FRMPD1: variants seen among roughly 807,000 people sequenced by gnomAD.
FRMPD1 encodes the protein FERM and PDZ domain-containing protein 1.
FRMPD1 carries 76 observed loss-of-function variants against 117.8 expected under a neutral mutation model. The observed-to-expected ratio is 0.65, with a 90% CI of 0.54 to 0.78. The LOEUF (loss-of-function observed/expected upper bound fraction) is 0.78, where lower values mean the gene tolerates loss of function less well. Among genes scored for constraint, FRMPD1 ranks in the 30% least tolerant of loss-of-function variants. The pLI is 0.00. For missense variants in FRMPD1, 1,786 were observed against 1,964.5 expected, an observed-to-expected ratio of 0.91 and a Z score of 1.72; for synonymous variants, 783 against 770.4, an observed-to-expected ratio of 1.02 and a Z score of -0.27.
At chr9:37,605,653 T>C in the FRMPD1 span, among the ~76,000 whole-genome samples, 2 of 152,168 alleles carry the variant, frequency 1.3e-5, no homozygotes, top group African/African-American at 4.8e-5. Context: ...ATAAGACTAA[T>C]TCCAAATCAT....
intron 1 of FRMPD1, among the ~76,000 whole-genome samples, chr9:37,651,388 G>A (rs919767376): frequency 1.3e-5 from 2 of 152,214 alleles, no homozygotes; most frequent in Non-Finnish European, 2.9e-5. Flanking sequence ...GAGAGACCTG[G>A]GTTCAGGTGC....
At chr9:37,736,829 G>A (rs568820646) in intron 13 of FRMPD1, among the ~76,000 whole-genome samples, 88 of 151,768 alleles carry the variant, frequency 5.8e-4, no homozygotes, top group African/African-American at 2.0e-3. Context: ...AGGACCCACT[G>A]TGTGTGAGTG....
chr9:37,631,839 A>G, the FRMPD1 span, among the ~76,000 whole-genome samples: 1 of 152,168 alleles, frequency 6.6e-6, no homozygotes, highest in African/African-American at 2.4e-5. Flanking sequence ...CCTGGCCTCA[A>G]GTGATCCTCC....
the FRMPD1 span, among the ~76,000 whole-genome samples, chr9:37,606,540 G>A: frequency 6.6e-6 from 1 of 152,272 alleles, no homozygotes; most frequent in East Asian, 1.9e-4. Context: ...AGAGAGGTTG[G>A]TGTATAAAGC....
chr9:37,637,375 T>C, the FRMPD1 span: 1 of 725,970 alleles, frequency 1.4e-6, no homozygotes, highest in Non-Finnish European at 2.5e-6. Flanking sequence ...CCGATGTTTT[T>C]TCAATTTTAG....
chr9:37,676,071 T>G (rs900837927), intron 1 of FRMPD1, among the ~76,000 whole-genome samples: 1 of 152,222 alleles, frequency 6.6e-6, no homozygotes, highest in Non-Finnish European at 1.5e-5. Context: ...AGATCAAGCT[T>G]GTTTTGTGTT....
rs1159833698 is a variant in FRMPD1 at position 37,740,416 on chromosome 9, T to G, written c.1888T>G (p.Phe630Val). 9.3e-6 allele frequency: 15 copies of G among 1,614,000 alleles called. No individual in the cohort carries two copies. The Admixed American group carries it at 2.5e-4, about 27-fold the overall frequency. Residue 630 changes from phenylalanine (F) to valine (V), a missense_variant, in exon 15 of 16, where the codon TTT (phenylalanine) becomes GTT (valine). Phe to Val is a conservative substitution (Grantham distance 50). Coordinates refer to ENST00000377765, the MANE Select transcript of FRMPD1 (RefSeq NM_014907.3). This position sits in a 1 kb window ranked among gnomAD's most constrained non-coding sequence, Gnocchi z 4.2. Reference protein sequence around the residue: ...CSSSRSTFFHFGSPGLAESID... With the variant: ...CSSSRSTFFHVGSPGLAESID... ...CTCCAGCAGGTCCACCTTCTTCCAC[T>G]TTGGCTCGCCAGGCCTCGCAGAGAG... is the stretch of plus-strand genomic sequence containing the variant.
At chr9:37,660,912 C>T (rs1217027099) in intron 1 of FRMPD1, among the ~76,000 whole-genome samples, 1 of 152,226 alleles carries the variant, frequency 6.6e-6, no homozygotes, top group Non-Finnish European at 1.5e-5. Flanking sequence ...ATGACTACTT[C>T]CTTAGCTGCA....
intron 1 of FRMPD1, among the ~76,000 whole-genome samples, chr9:37,675,234 C>T (rs1221695918): frequency 3.3e-5 from 5 of 151,908 alleles, no homozygotes; most frequent in African/African-American, 1.2e-4. Context: ...ACCAGCTTGG[C>T]CAACATGGTG....
At chr9:37,617,032 T>C in the FRMPD1 span, among the ~76,000 whole-genome samples, 1 of 152,228 alleles carries the variant, frequency 6.6e-6, no homozygotes, top group Non-Finnish European at 1.5e-5. Flanking sequence ...ACACAGACCA[T>C]GATAAGAGTC....
upstream of FRMPD1, among the ~76,000 whole-genome samples, chr9:37,649,421 G>C (rs113784640): frequency 6.6e-6 from 1 of 152,138 alleles, no homozygotes; most frequent in African/African-American, 2.4e-5. Context: ...CTACAAAGAC[G>C]GGTGAGGAAA....
In FRMPD1 at chr9:37,714,344, G is replaced by C. The variant is rs115091286; in HGVS notation, c.408+2949G>C. On this transcript the variant is annotated intron_variant, in intron 5 of 15. Transcript: ENST00000377765. ...CTTAATGTAGGGAGCAAGGGCAACA[G>C]CATAGAGCTGAATCCTTTAAATAAT... 3.6e-3 allele frequency among the ~76,000 whole-genome samples: 555 copies of C among 152,264 alleles called. 5 individuals carry two copies. The highest frequency in any genetic ancestry group is 0.013 in the African/African-American group (535 of 41,548).
intron 1 of FRMPD1, among the ~76,000 whole-genome samples, chr9:37,681,074 G>A (rs373192438): frequency 1.3e-4 from 20 of 151,928 alleles, no homozygotes; most frequent in African/African-American, 2.9e-4. Flanking sequence ...CTAGCCAGGC[G>A]TGGTGGCACG....
At chr9:37,643,088 C>T in the FRMPD1 span, among the ~76,000 whole-genome samples, 1 of 151,996 alleles carries the variant, frequency 6.6e-6, no homozygotes, top group African/African-American at 2.4e-5. Context: ...GACATTTTAC[C>T]CTTTTCAGTG....
At chr9:37,742,533 C>T (rs570378724) in intron 15 of FRMPD1, among the ~76,000 whole-genome samples, 3 of 152,170 alleles carry the variant, frequency 2.0e-5, no homozygotes, top group Non-Finnish European at 4.4e-5. Context: ...ACTCCTTGGT[C>T]GGTGGCTGTC....
upstream of FRMPD1, among the ~76,000 whole-genome samples, chr9:37,648,474 T>C (rs1820572080): frequency 6.6e-6 from 1 of 152,114 alleles, no homozygotes; most frequent in South Asian, 2.1e-4. Flanking sequence ...GAGTCACTGG[T>C]CAGGTCTGTG....
chr9:37,709,888 G>T (rs554491380), intron 4 of FRMPD1, among the ~76,000 whole-genome samples: 1 of 152,228 alleles, frequency 6.6e-6, no homozygotes, highest in South Asian at 2.1e-4. Context: ...CCCCCTGGAA[G>T]GGCGAGCAGT....
the FRMPD1 span, among the ~76,000 whole-genome samples, chr9:37,623,897 T>C: frequency 3.9e-5 from 6 of 152,204 alleles, no homozygotes; most frequent in African/African-American, 1.4e-4. Flanking sequence ...AATGAATTTA[T>C]GACTGTGGAC....
intron 7 of FRMPD1, among the ~76,000 whole-genome samples, chr9:37,729,246 G>A (rs1823752098): frequency 6.6e-6 from 1 of 151,596 alleles, no homozygotes; most frequent in African/African-American, 2.4e-5. Context: ...AGCCAGGCAT[G>A]GTGGCATGTG....
Sources: gnomAD v4.1 joint callset for allele counts (sites outside exome capture counted in the v4.1 genomes callset) on GRCh38, gnomAD v4.1.1 for gene constraint, Gnocchi (gnomAD v3.1) non-coding constraint, MANE v1.5 for transcripts, NCBI Gene and HGNC (gene_info 2026-07-23, HGNC 2026-07-21) for gene names.